TENM2: variants seen among roughly 807,000 people sequenced by gnomAD.
The protein encoded by TENM2 is teneurin transmembrane protein 2, also known as teneurin-2.
TENM2 carries 52 observed loss-of-function variants against 245.2 expected under a neutral mutation model. That is an observed-to-expected ratio of 0.21 (90% CI 0.17 to 0.27). The LOEUF is 0.27. TENM2 is among the 10% of genes least tolerant of loss of function. The pLI is 1.00. For synonymous variants in TENM2, 1,363 were observed against 1,438.9 expected (o/e 0.95, Z 1.19); for missense variants, 3,046 against 3,666.8 (o/e 0.83, Z 4.37).
rs370598695 is a variant in TENM2 at position 167,346,248 on chromosome 5, A to C, written c.227-28950A>C. Among the ~76,000 whole-genome samples the C allele has an allele frequency of 7.5e-4, 115 of 152,338 alleles. No individual in the cohort carries two copies. The South Asian group carries it at 0.023, about 31-fold the overall frequency. On this transcript the variant is annotated intron_variant, in intron 1 of 28. Transcript: ENST00000518659. ...CCGTCAAACAAGATGCATTTATTAC[A>C]TTATGGTTAGTTAATTTTCTCAACT...
intron 2 of TENM2, among the ~76,000 whole-genome samples, chr5:167,774,487 A>G (rs939500003): frequency 1.3e-5 from 2 of 152,210 alleles, no homozygotes; most frequent in Admixed American, 6.5e-5. Context: ...TAATCGGACT[A>G]TCCTTTTCAT....
At chr5:168,123,151 T>C (rs1177073557) in intron 10 of TENM2, among the ~76,000 whole-genome samples, 10 of 146,926 alleles carry the variant, frequency 6.8e-5, no homozygotes, top group Admixed American at 4.0e-4. Context: ...AAAAAAAACA[T>C]AGCTGGACAT....
chr5:167,905,070 A>G (rs1472972034), intron 3 of TENM2, among the ~76,000 whole-genome samples: 1 of 152,230 alleles, frequency 6.6e-6, no homozygotes, highest in Admixed American at 6.5e-5. Flanking sequence ...ATGATCAGAA[A>G]TGTTGAGTCC....
intron 2 of TENM2, among the ~76,000 whole-genome samples, chr5:167,395,028 T>A (rs996725798): frequency 6.6e-6 from 1 of 152,180 alleles, no homozygotes; most frequent in Non-Finnish European, 1.5e-5. Context: ...CTTTAAAAAA[T>A]GTCATTGGAA....
At chr5:168,236,363 A>G (rs1765424728) in intron 25 of TENM2, among the ~76,000 whole-genome samples, 1 of 152,096 alleles carries the variant, frequency 6.6e-6, no homozygotes, top group Non-Finnish European at 1.5e-5. Flanking sequence ...CCTGCACTAG[A>G]ATACTCACAG....
At chr5:167,122,484 A>G in the TENM2 span, among the ~76,000 whole-genome samples, 5 of 152,048 alleles carry the variant, frequency 3.3e-5, no homozygotes, top group Admixed American at 1.3e-4. Flanking sequence ...TGTTCTGTGC[A>G]TTCTGTTTCT....
At chr5:168,041,283 A>G (rs543028088) in intron 5 of TENM2, among the ~76,000 whole-genome samples, 1 of 152,314 alleles carries the variant, frequency 6.6e-6, no homozygotes, top group Middle Eastern at 3.4e-3. Flanking sequence ...TATAAAATGT[A>G]GATTATATTA....
At chr5:167,353,509 T>TTG (rs1759086369) in intron 1 of TENM2, among the ~76,000 whole-genome samples, 1 of 102,568 alleles carries the variant, frequency 9.7e-6, no homozygotes, top group African/African-American at 4.9e-5. Context: ...TGTTTTTTTT[T>TTG]TTTTTTTTTT....
intron 2 of TENM2, among the ~76,000 whole-genome samples, chr5:167,493,443 T>C (rs183728417): frequency 6.6e-6 from 1 of 152,302 alleles, no homozygotes; most frequent in East Asian, 1.9e-4. Context: ...TAAATTTCTC[T>C]GAAGGCTTCA....
chr5:167,788,854 A>G (rs925382023), intron 2 of TENM2, among the ~76,000 whole-genome samples: 13 of 152,114 alleles, frequency 8.5e-5, no homozygotes, highest in Admixed American at 1.3e-4. Flanking sequence ...GACTTACGTC[A>G]CTCCTTTCCA....
chr5:167,295,116 T>A (rs760424838), intron 1 of TENM2, among the ~76,000 whole-genome samples: 2 of 152,230 alleles, frequency 1.3e-5, no homozygotes, highest in African/African-American at 2.4e-5. Context: ...GACTCATAGA[T>A]GCAACTACCA....
At chr5:167,722,395 G>T (rs1209228260) in intron 2 of TENM2, among the ~76,000 whole-genome samples, 1 of 152,148 alleles carries the variant, frequency 6.6e-6, no homozygotes, top group Non-Finnish European at 1.5e-5. Flanking sequence ...TTGATAGATA[G>T]ATAAATAGAT....
intron 12 of TENM2, among the ~76,000 whole-genome samples, chr5:168,150,775 G>T (rs563849383): frequency 2.0e-4 from 30 of 152,190 alleles, no homozygotes; most frequent in Non-Finnish European, 4.1e-4. Flanking sequence ...ACCTGGCTAG[G>T]GGGGCGCAAA....
At position 168,190,750 on chromosome 5, in the gene TENM2, G is replaced by A. The variant is rs187110402; in HGVS notation, c.2780+203G>A. The A allele has an allele frequency of 8.6e-4, 424 of 490,464 alleles. 3 individuals are homozygous for A. The highest frequency in any genetic ancestry group is 5.7e-4 in the Non-Finnish European group (157 of 276,622). 30.4% of individuals were successfully genotyped at this position (490,464 alleles called of 1,614,324 possible). A position where few individuals can be genotyped will look rare whatever the true frequency, so the allele number is the denominator to read the frequency against. ...AGAACAGAGCCCTAGTGTCTTTGCA[G>A]GATGTCAACATCTTTAACCCAGAAC... is the stretch of plus-strand genomic sequence containing the variant. On this transcript the variant is annotated intron_variant, in intron 14 of 28. Transcript: ENST00000518659.
At chr5:167,514,158 T>C (rs1472620260) in intron 2 of TENM2, among the ~76,000 whole-genome samples, 1 of 152,204 alleles carries the variant, frequency 6.6e-6, no homozygotes, top group African/African-American at 2.4e-5. Context: ...TTCCCTTTTG[T>C]TCATTGCAAA....
At chr5:167,688,591 A>G (rs1198157082) in intron 2 of TENM2, among the ~76,000 whole-genome samples, 1 of 152,238 alleles carries the variant, frequency 6.6e-6, no homozygotes, top group Non-Finnish European at 1.5e-5. Context: ...ATACAAACCC[A>G]TCTCCTGTGT....
chr5:168,195,618 G>A (rs765244159), intron 15 of TENM2, among the ~76,000 whole-genome samples: 19 of 146,438 alleles, frequency 1.3e-4, no homozygotes, highest in Non-Finnish European at 2.8e-4. Flanking sequence ...GTGTTGGGGT[G>A]GGGGCAGGTT....
At chr5:167,424,738 C>T (rs181280495) in intron 2 of TENM2, among the ~76,000 whole-genome samples, 3 of 151,356 alleles carry the variant, frequency 2.0e-5, no homozygotes, top group African/African-American at 4.9e-5. Context: ...TGGTATTTTA[C>T]GTGAAAAAAA....
At chr5:167,553,943 G>A (rs944076857) in intron 2 of TENM2, among the ~76,000 whole-genome samples, 2 of 152,218 alleles carry the variant, frequency 1.3e-5, no homozygotes, top group Admixed American at 6.5e-5. Flanking sequence ...GGAGGAGGGC[G>A]AGATGGGGGT....
Sources: gnomAD v4.1 joint callset for allele counts (sites outside exome capture counted in the v4.1 genomes callset) on GRCh38, gnomAD v4.1.1 for gene constraint, MANE v1.5 for transcripts, NCBI Gene and HGNC (gene_info 2026-07-23, HGNC 2026-07-21) for gene names.